Variants in C16orf74 observed in about 807,000 individuals in gnomAD.
The protein encoded by C16orf74 is calcimembrin.
A neutral mutation model predicts 6.5 loss-of-function variants in C16orf74; 10 were observed. The observed-to-expected ratio is 1.54, with a 90% CI of 0.95 to 2.61. The LOEUF (loss-of-function observed/expected upper bound fraction) is 2.61. Among genes scored for constraint, C16orf74 ranks in the 30% most tolerant of loss-of-function variants. The pLI is 0.00. For missense variants in C16orf74, 141 were observed against 105.9 expected (o/e 1.33, Z -1.45); for synonymous variants, 60 against 42.5 (o/e 1.41, Z -1.60).
chr16:85,721,268 G>A (rs550065561), intron 2 of C16orf74, among the ~76,000 whole-genome samples: 2 of 151,904 alleles, frequency 1.3e-5, no homozygotes, highest in African/African-American at 4.8e-5. Context: ...GGAAACACTC[G>A]TGTGTGACCC....
At chr16:85,732,888 C>T (rs944057484) in intron 2 of C16orf74, among the ~76,000 whole-genome samples, 30 of 152,170 alleles carry the variant, frequency 2.0e-4, no homozygotes, top group Admixed American at 1.4e-3. Flanking sequence ...GCTCTGGGGC[C>T]GACAGGAAGA....
intron 2 of C16orf74, among the ~76,000 whole-genome samples, chr16:85,714,549 A>G (rs2054002884): frequency 1.3e-5 from 2 of 151,806 alleles, no homozygotes; most frequent in South Asian, 4.2e-4. Flanking sequence ...CCTCCCTAGT[A>G]GCTGGGATTA....
intron 2 of C16orf74, among the ~76,000 whole-genome samples, chr16:85,715,074 G>C (rs546861507): frequency 6.6e-6 from 1 of 151,182 alleles, no homozygotes; most frequent in Non-Finnish European, 1.5e-5. Context: ...GGAGAATGGC[G>C]TGAACCCGGG....
chr16:85,741,316 G>A (rs1382731516), intron 1 of C16orf74, among the ~76,000 whole-genome samples: 1 of 152,216 alleles, frequency 6.6e-6, no homozygotes, highest in African/African-American at 2.4e-5. Context: ...AGAGGTGTCT[G>A]GAACTGACAG....
intron 1 of C16orf74, among the ~76,000 whole-genome samples, chr16:85,750,703 C>G (rs895712084): frequency 2.6e-5 from 4 of 152,142 alleles, no homozygotes; most frequent in Admixed American, 2.0e-4. Flanking sequence ...GCAGCGCGGC[C>G]AGAGCCGGGC....
chr16:85,728,733 G>C (rs2054159037), intron 2 of C16orf74, among the ~76,000 whole-genome samples: 1 of 152,184 alleles, frequency 6.6e-6, no homozygotes, highest in South Asian at 2.1e-4. Flanking sequence ...CTCGAGACCT[G>C]ACCCAGGAGA....
chr16:85,749,844 G>A (rs1236647145), intron 1 of C16orf74, among the ~76,000 whole-genome samples: 2 of 152,246 alleles, frequency 1.3e-5, no homozygotes, highest in Non-Finnish European at 2.9e-5. Context: ...AGGGAGACGA[G>A]ATTAGGTGGT....
chr16:85,744,740 G>C (rs905615163), intron 1 of C16orf74, among the ~76,000 whole-genome samples: 1 of 146,214 alleles, frequency 6.8e-6, no homozygotes, highest in Non-Finnish European at 1.5e-5. Flanking sequence ...TGAGGCAGGA[G>C]AATGGTGTCA....
intron 1 of C16orf74, among the ~76,000 whole-genome samples, chr16:85,749,758 G>C (rs1156394418): frequency 2.6e-5 from 4 of 152,258 alleles, no homozygotes; most frequent in Non-Finnish European, 4.4e-5. Context: ...CTCCAGAGGT[G>C]ACCTGCACCT....
At position 85,710,156 on chromosome 16, in the gene C16orf74, G is replaced by A. The variant is rs368435391; in HGVS notation, c.172+8C>T. On this transcript the variant is annotated splice_region_variant and intron_variant, in intron 3 of 3. Transcript: ENST00000284245. ...GACCCGGCTTGGCGGTGGAGGGGAC[G>A]GCCTCACCTGTGCTCCCCAAGTCCC... 100 of 1,422,900 alleles carry A rather than the reference G, an allele frequency of 7.0e-5. No homozygotes were observed. The highest frequency in any genetic ancestry group is 1.6e-4 in the South Asian group (10 of 61,520). 88.1% of individuals were successfully genotyped at this position (1,422,900 alleles called of 1,614,324 possible).
intron 1 of C16orf74, among the ~76,000 whole-genome samples, chr16:85,742,368 G>A (rs922630121): frequency 3.3e-5 from 5 of 151,750 alleles, no homozygotes. Context: ...GCGAGACTCC[G>A]TCTCAGAAAA....
chr16:85,734,875 T>C (rs1278462242), intron 2 of C16orf74, among the ~76,000 whole-genome samples: 1 of 152,164 alleles, frequency 6.6e-6, no homozygotes, highest in Admixed American at 6.5e-5. Context: ...GCCCAGCATA[T>C]GCCTGGCTCC....
At chr16:85,741,953 A>G (rs416326) in intron 1 of C16orf74, among the ~76,000 whole-genome samples, 150,777 of 152,312 alleles carry the variant, frequency 0.99, 74,660 homozygotes, top group Middle Eastern at 1. Flanking sequence ...TTGATTCAGA[A>G]CACTGGGCCT....
In C16orf74 at chr16:85,707,670, A is replaced by T; in HGVS notation, c.*338T>A. On this transcript the variant is annotated 3_prime_UTR_variant, in exon 4 of 4. Transcript: ENST00000284245. ...TTATGGCAGGGGCATGTGTTTGCAC[A>T]GCCCTGGGGGCTGGGAGGGTGTGTT... The T allele has an allele frequency of 3.5e-6, 1 of 284,238 alleles. No individual in the cohort carries two copies. Among genetic ancestry groups the T allele is most frequent in the Non-Finnish European group, 6.5e-6 (1 of 153,468 alleles). 17.6% of individuals were successfully genotyped at this position (284,238 alleles called of 1,614,324 possible). A position where few individuals can be genotyped will look rare whatever the true frequency, so the allele number is the denominator to read the frequency against.
intron 1 of C16orf74, among the ~76,000 whole-genome samples, chr16:85,743,920 G>A (rs934574944): frequency 6.6e-6 from 1 of 152,118 alleles, no homozygotes; most frequent in Admixed American, 6.6e-5. Context: ...CGGGCATGGT[G>A]TTGGGCGCCT....
At chr16:85,715,122 A>ACT (rs1373982563) in intron 2 of C16orf74, among the ~76,000 whole-genome samples, 1 of 149,216 alleles carries the variant, frequency 6.7e-6, no homozygotes, top group African/African-American at 2.5e-5. Flanking sequence ...ACGCCACTGC[A>ACT]CTCCAGCCCG....
In C16orf74 at chr16:85,707,864, G is replaced by A. The variant is rs1260319750; in HGVS notation, c.*144C>T. On this transcript the variant is annotated 3_prime_UTR_variant, in exon 4 of 4. Transcript: ENST00000284245. Reference sequence around the variant, plus strand: ...ACAGGCTGGATTCCTCGCTGGTCCTGCCACGTCTCTCTGAGCGGAGGCCCG... The same window carrying A: ...ACAGGCTGGATTCCTCGCTGGTCCTACCACGTCTCTCTGAGCGGAGGCCCG... 6.0e-6 allele frequency: 4 copies of A among 665,534 alleles called. No individual in the cohort carries two copies. In the African/African-American group the frequency reaches 7.2e-5, roughly 12 times the overall value. The allele number at this position is 665,534 out of a possible 1,614,324, so 41.2% of individuals were successfully genotyped here.
At chr16:85,719,140 A>G (rs372010) in intron 2 of C16orf74, among the ~76,000 whole-genome samples, 61,471 of 152,106 alleles carry the variant, frequency 0.4, 13,591 homozygotes, top group African/African-American at 0.59. Context: ...CCTTTGCAGC[A>G]CAGGTGTAAC....
chr16:85,715,808 G>C (rs148604246), intron 2 of C16orf74, among the ~76,000 whole-genome samples: 3 of 152,318 alleles, frequency 2.0e-5, no homozygotes, highest in Non-Finnish European at 2.9e-5. Context: ...TCGAAAGCCT[G>C]AGGCTTGTTC....
Sources: gnomAD v4.1 joint callset for allele counts (sites outside exome capture counted in the v4.1 genomes callset) on GRCh38, gnomAD v4.1.1 for gene constraint, MANE v1.5 for transcripts, NCBI Gene and HGNC (gene_info 2026-07-23, HGNC 2026-07-21) for gene names.